Variants in MLLT10 observed in about 807,000 individuals in gnomAD.
MLLT10 encodes the protein MLLT10 histone lysine methyltransferase DOT1L cofactor.
MLLT10 carries 30 observed loss-of-function variants against 129.1 expected under a neutral mutation model. The observed-to-expected ratio is 0.23, with a 90% CI of 0.17 to 0.32. MLLT10 has a LOEUF of 0.32. Ranked by LOEUF, MLLT10 falls within the 10% of genes least tolerant of loss-of-function variation. The pLI is 1.00. For missense variants in MLLT10, 1,119 were observed against 1,268.3 expected, an observed-to-expected ratio of 0.88 and a Z score of 1.79; for synonymous variants, 490 against 446.4, an observed-to-expected ratio of 1.10 and a Z score of -1.23.
chr10:21,576,061 G>A (rs551463573), intron 3 of MLLT10, among the ~76,000 whole-genome samples: 60 of 151,900 alleles, frequency 3.9e-4, no homozygotes, highest in Middle Eastern at 6.8e-3. Flanking sequence ...CTAGTAGCTG[G>A]GACTATAGGT....
At chr10:21,535,818 A>C (rs1384628004) in intron 2 of MLLT10, among the ~76,000 whole-genome samples, 1 of 152,232 alleles carries the variant, frequency 6.6e-6, no homozygotes, top group Non-Finnish European at 1.5e-5. Flanking sequence ...ACATCTGCTA[A>C]AGTGCATTTT....
At chr10:21,693,223 A>T (rs941704167) in intron 13 of MLLT10, among the ~76,000 whole-genome samples, 1 of 152,168 alleles carries the variant, frequency 6.6e-6, no homozygotes, top group Non-Finnish European at 1.5e-5. Flanking sequence ...ATTCATAACA[A>T]TTGCAGCTGA....
intron 9 of MLLT10, among the ~76,000 whole-genome samples, chr10:21,651,993 A>G (rs1589439488): frequency 6.9e-6 from 1 of 144,910 alleles, no homozygotes; most frequent in East Asian, 2.0e-4. Flanking sequence ...GCTCACTGCA[A>G]CCTCCACTTA....
intron 5 of MLLT10, among the ~76,000 whole-genome samples, chr10:21,602,132 C>G (rs902600309): frequency 6.6e-6 from 1 of 152,108 alleles, no homozygotes. Context: ...GCTATTTTCA[C>G]CTAGACAAAC....
At chr10:21,599,142 C>T (rs1402143195) in intron 5 of MLLT10, among the ~76,000 whole-genome samples, 2 of 149,692 alleles carry the variant, frequency 1.3e-5, no homozygotes, top group African/African-American at 4.9e-5. Context: ...CGCACCACTG[C>T]ACCTCAGCCT....
intron 17 of MLLT10, among the ~76,000 whole-genome samples, chr10:21,732,571 T>A (rs1412920630): frequency 2.0e-5 from 3 of 152,224 alleles, no homozygotes; most frequent in African/African-American, 7.2e-5. Context: ...TTTAATAGGC[T>A]TTTATTTTGA....
intron 3 of MLLT10, chr10:21,541,381 C>T (rs986773440): frequency 6.6e-6 from 1 of 151,816 alleles, no homozygotes; most frequent in Admixed American, 6.6e-5. Flanking sequence ...ACTTAACACC[C>T]AGCTAATTTT....
intron 8 of MLLT10, among the ~76,000 whole-genome samples, chr10:21,635,512 C>T (rs939326569): frequency 1.3e-5 from 2 of 151,972 alleles, no homozygotes; most frequent in African/African-American, 4.8e-5. Context: ...ATTACAGGTG[C>T]ATGCCATGTC....
At position 21,733,086 on chromosome 10, in the gene MLLT10, T is replaced by C; in HGVS notation, c.2406T>C (p.Thr802=). 1 of 1,593,480 alleles carries C rather than the reference T, an allele frequency of 6.3e-7. No individual in the cohort carries two copies. Among genetic ancestry groups the C allele is most frequent in the Non-Finnish European group, 8.5e-7 (1 of 1,170,368 alleles). ...SHQIHTFSAQ[T]APTTDSLNSS... ...AAATACACACATTTTCAGCACAGACTGGTAAGTGTGAAAATATTTATTTTG... is the reference window on the plus strand; with the variant it reads ...AAATACACACATTTTCAGCACAGACCGGTAAGTGTGAAAATATTTATTTTG... Residue 802 remains threonine (T), a splice_region_variant and synonymous_variant, in exon 18 of 23, where the codon ACT becomes ACC. Coordinates refer to ENST00000307729, the MANE Select transcript of MLLT10 (RefSeq NM_001195626.3).
chr10:21,711,193 C>T (rs1192433847), intron 13 of MLLT10, among the ~76,000 whole-genome samples: 1 of 151,884 alleles, frequency 6.6e-6, no homozygotes, highest in Admixed American at 6.6e-5. Context: ...GAGGCCGAGA[C>T]GGGCAGATCA....
chr10:21,550,811 C>CG (rs2036874155), intron 3 of MLLT10, among the ~76,000 whole-genome samples: 1 of 151,924 alleles, frequency 6.6e-6, no homozygotes, highest in South Asian at 2.1e-4. Context: ...GGATTACAGA[C>CG]GTGAGCTATG....
At chr10:21,581,074 C>G (rs575312317) in intron 3 of MLLT10, among the ~76,000 whole-genome samples, 4 of 134,072 alleles carry the variant, frequency 3.0e-5, no homozygotes, top group South Asian at 4.6e-4. Context: ...GAGACGGAGT[C>G]TTGCTCTGTA....
Position 21,538,849 on chromosome 10 carries a change from T to A in MLLT10, c.177T>A (p.Val59=). ...TTTCAACAGCTTGCTATGGCATTGTTCAAGTACCCACTGGACCGTGGTTTT... is the reference window on the plus strand; with the variant it reads ...TTTCAACAGCTTGCTATGGCATTGTACAAGTACCCACTGGACCGTGGTTTT... ...VAVHQACYGI[V]QVPTGPWFCR... Residue 59 remains valine (V), a synonymous_variant, in exon 3 of 23, where the codon GTT becomes GTA. Coordinates refer to ENST00000307729, the MANE Select transcript of MLLT10 (RefSeq NM_001195626.3). 6.2e-7 allele frequency: 1 copy of A among 1,613,180 alleles called. No homozygotes were observed. The highest frequency in any genetic ancestry group is 8.5e-7 in the Non-Finnish European group (1 of 1,179,260).
chr10:21,534,246 A>T lies in MLLT10; in HGVS notation c.-275A>T, dbSNP rs929551170. On this transcript the variant is annotated 5_prime_UTR_variant, in exon 1 of 23. Coordinates refer to ENST00000307729, the MANE Select transcript of MLLT10 (RefSeq NM_001195626.3). Reference sequence around the variant, plus strand: ...GCAGGACGGGCGCGCACGCCAAGTGACGCTCCGAGGAGGAAGCGCAGCCCC... The same window carrying T: ...GCAGGACGGGCGCGCACGCCAAGTGTCGCTCCGAGGAGGAAGCGCAGCCCC... 5 of 395,448 alleles carry T rather than the reference A, an allele frequency of 1.3e-5. No homozygotes were observed. The highest frequency in any genetic ancestry group is 6.3e-4 in the Middle Eastern group (1 of 1,586). The allele number at this position is 395,448 out of a possible 1,614,324, so 24.5% of individuals were successfully genotyped here.
At chr10:21,728,918 T>C (rs2057731183) in intron 16 of MLLT10, among the ~76,000 whole-genome samples, 1 of 151,660 alleles carries the variant, frequency 6.6e-6, no homozygotes, top group African/African-American at 2.4e-5. Context: ...TGACAGATCA[T>C]GAATAACAGT....
intron 4 of MLLT10, among the ~76,000 whole-genome samples, chr10:21,589,980 C>G (rs2042345903): frequency 6.6e-6 from 1 of 151,898 alleles, no homozygotes; most frequent in East Asian, 1.9e-4. Context: ...GTTGCCCAGG[C>G]TAGAGTGCAG....
At chr10:21,534,012 C>CCGCCCCCGCGTGCG (rs957012909), upstream of MLLT10, among the ~76,000 whole-genome samples, 40 of 152,036 alleles carry the variant, frequency 2.6e-4, no homozygotes, top group Middle Eastern at 3.4e-3. Context: ...CCTAACGTCC[C>CCGCCCCCGCGTGCG]CGCCCCCGCG....
chr10:21,713,631 A>G (rs1180181642), intron 13 of MLLT10, 141 bp from the exon 14 acceptor site: 9 of 659,792 alleles, frequency 1.4e-5, no homozygotes, highest in Non-Finnish European at 2.2e-5. Context: ...TTTAGTTACT[A>G]GCACAATATT....
At chr10:21,562,616 G>A (rs2038971521) in intron 3 of MLLT10, among the ~76,000 whole-genome samples, 1 of 152,030 alleles carries the variant, frequency 6.6e-6, no homozygotes, top group Non-Finnish European at 1.5e-5. Flanking sequence ...GGGATTACAG[G>A]TGTGAGCCAC....
Sources: allele counts gnomAD v4.1 joint callset (sites outside exome capture counted in the v4.1 genomes callset), GRCh38; gene constraint gnomAD v4.1.1; transcripts MANE v1.5; gene names NCBI Gene and HGNC (gene_info 2026-07-23, HGNC 2026-07-21).